PCCB: variants seen among roughly 807,000 people sequenced by gnomAD.
PCCB encodes the protein propionyl-CoA carboxylase beta chain, mitochondrial.
A neutral mutation model predicts 60.7 loss-of-function variants in PCCB; 43 were observed. The ratio of observed to expected loss-of-function variants is 0.71; its 90% confidence interval spans 0.55 to 0.91. The LOEUF (loss-of-function observed/expected upper bound fraction) is 0.91. Ranked by LOEUF, PCCB falls within the 40% of genes least tolerant of loss-of-function variation. The pLI is 0.00. For missense variants in PCCB, 766 were observed against 702.8 expected, an observed-to-expected ratio of 1.09 and a Z score of -1.02; for synonymous variants, 276 against 255.9, an observed-to-expected ratio of 1.08 and a Z score of -0.75.
At chr3:136,256,479 A>G in intron 2 of PCCB, 76 bp from the exon 3 acceptor site, 3 of 1,057,486 alleles carry the variant, frequency 2.8e-6, no homozygotes, top group South Asian at 1.3e-5. Context: ...TTTGTCTTTC[A>G]TTGAGGCATA....
intron 9 of PCCB, among the ~76,000 whole-genome samples, chr3:136,302,432 T>C (rs1934324319): frequency 8.2e-6 from 1 of 121,554 alleles, no homozygotes; most frequent in Admixed American, 9.8e-5. Flanking sequence ...CTTCTAACTT[T>C]TTCTTAAGGT....
intron 9 of PCCB, among the ~76,000 whole-genome samples, chr3:136,301,872 G>A (rs1308846883): frequency 6.6e-6 from 1 of 152,170 alleles, no homozygotes; most frequent in Non-Finnish European, 1.5e-5. Flanking sequence ...CTTTGCAGGG[G>A]CACGTGCAAT....
chr3:136,302,942 G>C (rs1934344279), intron 9 of PCCB, among the ~76,000 whole-genome samples: 1 of 121,616 alleles, frequency 8.2e-6, no homozygotes, highest in Non-Finnish European at 1.8e-5. Flanking sequence ...AAATTTGCTG[G>C]GTGAGGTGGC....
intron 9 of PCCB, among the ~76,000 whole-genome samples, chr3:136,314,273 T>C (rs1490990986): frequency 6.6e-6 from 1 of 152,092 alleles, no homozygotes; most frequent in African/African-American, 2.4e-5. Flanking sequence ...ATCCATAGAA[T>C]AAAACAATCT....
intron 3 of PCCB, among the ~76,000 whole-genome samples, chr3:136,258,605 G>A (rs962445458): frequency 2.6e-5 from 4 of 152,130 alleles, no homozygotes; most frequent in African/African-American, 7.2e-5. Flanking sequence ...GGCTGTTGGT[G>A]TATTCTGAGG....
chr3:136,319,984 G>A (rs983235580), intron 10 of PCCB, among the ~76,000 whole-genome samples: 15 of 152,288 alleles, frequency 9.8e-5, no homozygotes, highest in Middle Eastern at 3.4e-3. Flanking sequence ...CAGGTGTGGC[G>A]TGCTTGTGGG....
chr3:136,260,980 A>C (rs1488831906), intron 4 of PCCB, among the ~76,000 whole-genome samples: 1 of 152,224 alleles, frequency 6.6e-6, no homozygotes, highest in Non-Finnish European at 1.5e-5. Flanking sequence ...AGATATTTCT[A>C]ATACTGAGGC....
intron 5 of PCCB, among the ~76,000 whole-genome samples, chr3:136,274,394 G>A (rs762300132): frequency 9.9e-5 from 15 of 152,074 alleles, no homozygotes; most frequent in Non-Finnish European, 2.1e-4. Flanking sequence ...TAGTTTTGCT[G>A]GATGCAAAAT....
chr3:136,272,924 G>C (rs1364079173), intron 5 of PCCB, among the ~76,000 whole-genome samples: 1 of 152,016 alleles, frequency 6.6e-6, no homozygotes, highest in Non-Finnish European at 1.5e-5. Flanking sequence ...GTCAGTTTGT[G>C]TTCTTTCAGA....
intron 11 of PCCB, 94 bp downstream of exon 11, chr3:136,327,004 C>G: frequency 9.0e-7 from 1 of 1,111,912 alleles, no homozygotes. Flanking sequence ...TCCCCGAGGA[C>G]TTGTGACTTC....
At chr3:136,325,531 A>G (rs1935274384) in intron 10 of PCCB, among the ~76,000 whole-genome samples, 1 of 149,752 alleles carries the variant, frequency 6.7e-6, no homozygotes, top group South Asian at 2.1e-4. Flanking sequence ...TAATTTTTGT[A>G]TTTTTTAGTA....
chr3:136,264,423 C>CAT (rs886892135), intron 5 of PCCB, among the ~76,000 whole-genome samples: 9 of 114,358 alleles, frequency 7.9e-5, no homozygotes, highest in African/African-American at 2.1e-4. Flanking sequence ...CTCTGTCTCT[C>CAT]ATATATATGT....
intron 7 of PCCB, among the ~76,000 whole-genome samples, chr3:136,294,771 A>G (rs1933859744): frequency 6.6e-6 from 1 of 152,010 alleles, no homozygotes; most frequent in Admixed American, 6.6e-5. Flanking sequence ...CATCATACCC[A>G]GGTAATTTTT....
intron 5 of PCCB, among the ~76,000 whole-genome samples, chr3:136,276,309 T>C (rs1308581324): frequency 6.6e-6 from 1 of 152,180 alleles, no homozygotes; most frequent in Non-Finnish European, 1.5e-5. Context: ...CAATACTCAG[T>C]AAGGCAGAGA....
chr3:136,250,752 T>C (rs951131819), intron 1 of PCCB, among the ~76,000 whole-genome samples, 194 bp downstream of exon 1: 2 of 152,234 alleles, frequency 1.3e-5, no homozygotes, highest in Non-Finnish European at 2.9e-5. Context: ...ACCTGTGTGC[T>C]TTTTCATACT....
At chr3:136,306,383 A>T (rs1934450850) in intron 9 of PCCB, among the ~76,000 whole-genome samples, 1 of 122,446 alleles carries the variant, frequency 8.2e-6, no homozygotes. Context: ...GGGAGACAAA[A>T]TTGCATCAGA....
intron 6 of PCCB, among the ~76,000 whole-genome samples, chr3:136,291,930 C>T (rs552503237): frequency 4.6e-5 from 7 of 152,266 alleles, no homozygotes; most frequent in South Asian, 2.1e-4. Flanking sequence ...TTGATCTCTC[C>T]GACTTGTCCA....
chr3:136,294,273 A>G (rs1933836518), intron 7 of PCCB, among the ~76,000 whole-genome samples: 1 of 152,132 alleles, frequency 6.6e-6, no homozygotes, highest in African/African-American at 2.4e-5. Context: ...CAGGTGCATG[A>G]TGGTCATATA....
intron 5 of PCCB, among the ~76,000 whole-genome samples, chr3:136,267,667 G>C (rs1287020929): frequency 6.6e-6 from 1 of 151,600 alleles, no homozygotes; most frequent in African/African-American, 2.4e-5. Flanking sequence ...TTCATTATTT[G>C]TAGAGGTGAG....
Sources: allele counts gnomAD v4.1 joint callset (sites outside exome capture counted in the v4.1 genomes callset), GRCh38; gene constraint gnomAD v4.1.1; transcripts MANE v1.5; gene names NCBI Gene and HGNC (gene_info 2026-07-23, HGNC 2026-07-21).